The following VEGFC variants were observed in gnomAD, a reference collection of about 807,000 sequenced individuals.
VEGFC encodes the protein FLT4 ligand DHM.
Under a neutral mutation model 46.1 loss-of-function variants are expected in VEGFC, and 12 were observed. That is an observed-to-expected ratio of 0.26 (90% CI 0.17 to 0.42). The LOEUF (loss-of-function observed/expected upper bound fraction) is 0.42, where lower values mean the gene tolerates loss of function less well. Among genes scored for constraint, VEGFC ranks in the 10% least tolerant of loss-of-function variants. The pLI is 1.00. For missense variants in VEGFC, 488 were observed against 529.4 expected, an observed-to-expected ratio of 0.92 and a Z score of 0.77; for synonymous variants, 232 against 195.5, an observed-to-expected ratio of 1.19 and a Z score of -1.56.
At chr4:176,692,887 G>A (rs1046459761) in intron 4 of VEGFC, among the ~76,000 whole-genome samples, 3 of 146,304 alleles carry the variant, frequency 2.1e-5, no homozygotes, top group Non-Finnish European at 4.5e-5. Context: ...CACACAGCAG[G>A]GTATTCCAAC....
intron 1 of VEGFC, among the ~76,000 whole-genome samples, chr4:176,768,491 CATATAT>C (rs145504348): frequency 7.0e-5 from 7 of 100,564 alleles, no homozygotes; most frequent in South Asian, 1.0e-3. Context: ...ATGTTTTATA[CATATAT>C]ATATATATAT....
In VEGFC at chr4:176,692,316, C is replaced by CCCGGCAGG. The variant is rs1434677852; in HGVS notation, c.705-4397_705-4390dup. Reference sequence around the variant, plus strand: ...GGCTGAGGCAGGAGAATGGCGTGAACCCGGCAGGCGGAGCTTGCAGTGAGC... The same window carrying CCCGGCAGG: ...GGCTGAGGCAGGAGAATGGCGTGAACCCGGCAGGCCGGCAGGCGGAGCTTGCAGTGAGC... On this transcript the variant is annotated intron_variant, in intron 4 of 6. Coordinates refer to ENST00000618562, the MANE Select transcript of VEGFC (RefSeq NM_005429.5). Among the ~76,000 whole-genome samples, 3 of 134,032 alleles carry CCCGGCAGG rather than the reference C, an allele frequency of 2.2e-5. 1 individual carries two copies. The allele number at this position is 134,032 out of a possible 152,430, so 87.9% of individuals were successfully genotyped here.
At chr4:176,721,016 C>T (rs1447243644) in intron 3 of VEGFC, among the ~76,000 whole-genome samples, 1 of 151,974 alleles carries the variant, frequency 6.6e-6, no homozygotes, top group Non-Finnish European at 1.5e-5. Flanking sequence ...TAACTAGATA[C>T]ATCGAGATAC....
chr4:176,789,050 G>A (rs924430659), intron 1 of VEGFC, among the ~76,000 whole-genome samples: 2 of 152,170 alleles, frequency 1.3e-5, no homozygotes, highest in Admixed American at 6.5e-5. Flanking sequence ...CCAAAGGCAA[G>A]CAGGCAAGCA....
intron 3 of VEGFC, among the ~76,000 whole-genome samples, chr4:176,714,228 C>G (rs937951140): frequency 6.6e-6 from 1 of 152,186 alleles, no homozygotes; most frequent in Non-Finnish European, 1.5e-5. Context: ...TTAGCACCAT[C>G]CTTCGGTAAG....
Position 176,683,575 on chromosome 4 carries a change from G to A in VEGFC, c.*351C>T. The A allele has an allele frequency of 6.0e-6, 1 of 167,984 alleles. No individual in the cohort carries two copies. 10.4% of individuals were successfully genotyped at this position (167,984 alleles called of 1,614,324 possible). On this transcript the variant is annotated 3_prime_UTR_variant, in exon 7 of 7. Coordinates refer to ENST00000618562, the MANE Select transcript of VEGFC (RefSeq NM_005429.5). ...TTTCATTTTATTTTAAACATATTTT[G>A]CATGATATAAAAATATTGATCACAG...
chr4:176,765,847 C>A (rs752488229), intron 1 of VEGFC, among the ~76,000 whole-genome samples: 13 of 152,016 alleles, frequency 8.6e-5, no homozygotes, highest in Non-Finnish European at 1.5e-4. Context: ...GCCACCGTGC[C>A]CGGCCCCAAA....
At chr4:176,692,862 G>A (rs540722517) in intron 4 of VEGFC, among the ~76,000 whole-genome samples, 21 of 146,316 alleles carry the variant, frequency 1.4e-4, no homozygotes, top group East Asian at 9.9e-4. Context: ...CCCCAGCAGG[G>A]GCACACTGAC....
chr4:176,739,619 G>A (rs138873358), intron 1 of VEGFC, among the ~76,000 whole-genome samples: 80 of 151,818 alleles, frequency 5.3e-4, no homozygotes, highest in Non-Finnish European at 9.3e-4. Flanking sequence ...GGTAGGGAAC[G>A]CATCGGAAGA....
At chr4:176,731,792 A>G (rs905648879) in intron 1 of VEGFC, among the ~76,000 whole-genome samples, 3 of 152,056 alleles carry the variant, frequency 2.0e-5, no homozygotes, top group African/African-American at 7.2e-5. Flanking sequence ...TAAGAAAGGG[A>G]TGATGGTAGA....
intron 1 of VEGFC, among the ~76,000 whole-genome samples, chr4:176,733,041 G>T (rs997556785): frequency 6.6e-6 from 1 of 151,800 alleles, no homozygotes; most frequent in African/African-American, 2.4e-5. Context: ...TTAAATTAGA[G>T]AAATGCTTAT....
chr4:176,694,932 G>A (rs1364690447), intron 4 of VEGFC, among the ~76,000 whole-genome samples: 13 of 138,738 alleles, frequency 9.4e-5, no homozygotes, highest in Non-Finnish European at 1.5e-4. Context: ...TGAAACCAAC[G>A]AGAACAAAGA....
intron 4 of VEGFC, among the ~76,000 whole-genome samples, chr4:176,692,855 C>T (rs1486853813): frequency 6.8e-6 from 1 of 146,402 alleles, no homozygotes; most frequent in Non-Finnish European, 1.5e-5. Context: ...AGGCACCCCC[C>T]AGCAGGGGCA....
chr4:176,785,432 C>T (rs1735986683), intron 1 of VEGFC, among the ~76,000 whole-genome samples: 1 of 152,138 alleles, frequency 6.6e-6, no homozygotes, highest in Non-Finnish European at 1.5e-5. Flanking sequence ...TATGTCCTTT[C>T]TCTAGTAGGT....
intron 1 of VEGFC, among the ~76,000 whole-genome samples, chr4:176,762,796 C>T (rs1735553970): frequency 6.6e-6 from 1 of 152,156 alleles, no homozygotes; most frequent in African/African-American, 2.4e-5. Context: ...AAGTCATATT[C>T]ACCCTGGAAC....
intron 4 of VEGFC, among the ~76,000 whole-genome samples, chr4:176,709,992 T>TAGA (rs758512402): frequency 6.6e-6 from 1 of 151,698 alleles, no homozygotes; most frequent in Non-Finnish European, 1.5e-5. Flanking sequence ...TTAGATGGGA[T>TAGA]AGAAGAAGAA....
chr4:176,740,114 T>TAG, intron 1 of VEGFC, among the ~76,000 whole-genome samples: 1 of 127,308 alleles, frequency 7.9e-6, no homozygotes, highest in East Asian at 2.3e-4. Flanking sequence ...ATTCTATATA[T>TAG]ATATTCTATA....
At position 176,684,779 on chromosome 4, in the gene VEGFC, G is replaced by A. The variant is rs192443514; in HGVS notation, c.1146-739C>T. Among the ~76,000 whole-genome samples the A allele has an allele frequency of 2.4e-4, 37 of 152,292 alleles. 1 individual carries two copies. The East Asian group carries it at 3.1e-3, about 13-fold the overall frequency. On this transcript the variant is annotated intron_variant, in intron 6 of 6. Coordinates refer to ENST00000618562, the MANE Select transcript of VEGFC (RefSeq NM_005429.5). The stretch of plus-strand genomic sequence containing the variant: ...CTTGTTCTGTCGCCCAGGCTGGAGC[G>A]CAGTGGGGCAATCTCAGCTTACTGC...
At chr4:176,745,103 C>G (rs187549137) in intron 1 of VEGFC, among the ~76,000 whole-genome samples, 1 of 152,120 alleles carries the variant, frequency 6.6e-6, no homozygotes, top group Admixed American at 6.6e-5. Flanking sequence ...AGTCCTGAAT[C>G]AAACATCTCA....
Sources: allele counts gnomAD v4.1 joint callset (sites outside exome capture counted in the v4.1 genomes callset), GRCh38; gene constraint gnomAD v4.1.1; transcripts MANE v1.5; gene names NCBI Gene and HGNC (gene_info 2026-07-23, HGNC 2026-07-21).